NRG1: variants seen among roughly 807,000 people sequenced by gnomAD.
NRG1 encodes the protein pro-neuregulin-1, membrane-bound isoform.
In NRG1, 18 loss-of-function variants were observed where a neutral mutation model predicts 63.8. The ratio of observed to expected loss-of-function variants is 0.28; its 90% CI spans 0.19 to 0.42. NRG1 has a LOEUF of 0.42. Among genes scored for constraint, NRG1 ranks in the 10% least tolerant of loss-of-function variants. The pLI, the probability that NRG1 is intolerant of heterozygous loss-of-function variation, is 1.00. For synonymous variants in NRG1, 302 were observed against 301.3 expected (o/e 1.00, Z -0.02); for missense variants, 762 against 814.7 (o/e 0.94, Z 0.79).
chr8:32,437,324 G>T (rs1239822048), intron 1 of NRG1, among the ~76,000 whole-genome samples: 1 of 151,832 alleles, frequency 6.6e-6, no homozygotes, highest in African/African-American at 2.4e-5. Context: ...GTTTGTTTTT[G>T]TTTGTTTGTT....
chr8:32,122,470 T>C (rs1353584394), intron 1 of NRG1, among the ~76,000 whole-genome samples: 1 of 152,056 alleles, frequency 6.6e-6, no homozygotes, highest in African/African-American at 2.4e-5. Flanking sequence ...AAAATCCTAT[T>C]CGTAATGATT....
At position 32,616,279 on chromosome 8, in the gene NRG1, C is replaced by T. The variant is rs115636130; in HGVS notation, c.452-556C>T. Reference sequence around the variant, plus strand: ...ACTATTGTATGATTTATTTAATTAGCATGGTTTGTTTGATCCTAATGTAAT... The same window carrying T: ...ACTATTGTATGATTTATTTAATTAGTATGGTTTGTTTGATCCTAATGTAAT... On this transcript the variant is annotated intron_variant, in intron 4 of 11. Coordinates refer to ENST00000356819, the Ensembl canonical transcript of NRG1. Among the ~76,000 whole-genome samples, 1,054 of 151,788 alleles carry T rather than the reference C, an allele frequency of 6.9e-3. 12 individuals are homozygous for T. Among genetic ancestry groups the T allele is most frequent in the African/African-American group, 0.024 (984 of 41,388 alleles).
intron 1 of NRG1, among the ~76,000 whole-genome samples, chr8:31,922,761 C>A (rs2129619005): frequency 6.6e-6 from 1 of 152,238 alleles, no homozygotes; most frequent in African/African-American, 2.4e-5. Context: ...CATGCAGTAG[C>A]TCAACATCCA....
intron 1 of NRG1, among the ~76,000 whole-genome samples, chr8:32,423,747 A>G (rs1816987796): frequency 6.6e-6 from 1 of 152,164 alleles, no homozygotes; most frequent in Non-Finnish European, 1.5e-5. Context: ...ACACACAAAC[A>G]CACCATACAC....
chr8:31,678,154 C>T (rs1373758474), intron 1 of NRG1, among the ~76,000 whole-genome samples: 1 of 151,912 alleles, frequency 6.6e-6, no homozygotes, highest in African/African-American at 2.4e-5. Flanking sequence ...TTTCCTCTGA[C>T]TTACAAGCTC....
chr8:32,148,263 G>A (rs1837117232), intron 1 of NRG1, among the ~76,000 whole-genome samples: 1 of 152,146 alleles, frequency 6.6e-6, no homozygotes. Context: ...AGCTGAGGCA[G>A]GATTTGACCC....
chr8:32,463,535 A>T (rs1822603351), intron 1 of NRG1, among the ~76,000 whole-genome samples: 1 of 152,188 alleles, frequency 6.6e-6, no homozygotes, highest in African/African-American at 2.4e-5. Context: ...ATGAATGGGA[A>T]AAATTATATT....
intron 1 of NRG1, among the ~76,000 whole-genome samples, chr8:31,976,662 GGTGTGTGTGTGTGTGT>G (rs55763806): frequency 2.0e-5 from 3 of 150,586 alleles, no homozygotes; most frequent in East Asian, 2.0e-4. Context: ...ATCTGCCATG[GGTGTGTGTGTGTGTGT>G]GTGTGTGTGT....
intron 1 of NRG1, among the ~76,000 whole-genome samples, chr8:32,460,800 G>T (rs374175694): frequency 2.0e-5 from 3 of 152,106 alleles, no homozygotes; most frequent in South Asian, 2.1e-4. Flanking sequence ...CTATTTTACT[G>T]CTTTTTTTTT....
chr8:32,640,271 A>G (rs931110170), intron 5 of NRG1, among the ~76,000 whole-genome samples: 82 of 151,328 alleles, frequency 5.4e-4, no homozygotes, highest in Non-Finnish European at 7.8e-4. Flanking sequence ...ACACACACAC[A>G]CACGCACGCA....
chr8:32,260,973 C>T (rs1433147073), intron 1 of NRG1, among the ~76,000 whole-genome samples: 1 of 152,148 alleles, frequency 6.6e-6, no homozygotes, highest in Non-Finnish European at 1.5e-5. Flanking sequence ...GGAGGATACA[C>T]CTCATAACTT....
rs146860579 is a variant in NRG1, at chr8:31,808,382, A to T, written c.37+168951A>T. Among the ~76,000 whole-genome samples the T allele has an allele frequency of 3.1e-3, 477 of 152,192 alleles. 3 individuals carry two copies. The highest frequency in any genetic ancestry group is 0.011 in the African/African-American group (446 of 41,564). On this transcript the variant is annotated intron_variant, in intron 1 of 10. Transcript: ENST00000519301. ...TTACTCAACTTAGAATTTTAGAGTG[A>T]GTAACTTTTAAGATAAAACGAGTTT...
At chr8:31,692,858 GA>G (rs2131139617) in intron 1 of NRG1, among the ~76,000 whole-genome samples, 1 of 152,314 alleles carries the variant, frequency 6.6e-6, no homozygotes, top group South Asian at 2.1e-4. Flanking sequence ...GTTGGAACCT[GA>G]ATAGGAAATA....
At chr8:32,314,559 T>C (rs1857170331) in intron 1 of NRG1, among the ~76,000 whole-genome samples, 1 of 152,198 alleles carries the variant, frequency 6.6e-6, no homozygotes, top group Middle Eastern at 3.4e-3. Flanking sequence ...CTGCACAATT[T>C]CTCCTTGCAT....
chr8:31,914,269 A>G (rs1210317362), intron 1 of NRG1, among the ~76,000 whole-genome samples: 3 of 150,974 alleles, frequency 2.0e-5, no homozygotes, highest in Non-Finnish European at 4.4e-5. Context: ...AGCATCAGTA[A>G]ACATTGTTAG....
At chr8:32,578,211 G>A (rs1317772929) in intron 1 of NRG1, among the ~76,000 whole-genome samples, 1 of 152,124 alleles carries the variant, frequency 6.6e-6, no homozygotes, top group Non-Finnish European at 1.5e-5. Context: ...GGCCAGGCTG[G>A]TCTGGAATGC....
intron 1 of NRG1, among the ~76,000 whole-genome samples, chr8:31,922,890 GTAA>G (rs999174557): frequency 3.9e-4 from 60 of 152,254 alleles, no homozygotes; most frequent in African/African-American, 1.3e-3. Flanking sequence ...AAAAAAGGAA[GTAA>G]TAATAACAAA....
chr8:32,476,421 A>G (rs1478198818), intron 1 of NRG1, among the ~76,000 whole-genome samples: 2 of 152,212 alleles, frequency 1.3e-5, no homozygotes, highest in Non-Finnish European at 2.9e-5. Context: ...TGGATCACAT[A>G]CAATTACAGA....
At chr8:32,434,412 T>A (rs1205428182) in intron 1 of NRG1, among the ~76,000 whole-genome samples, 1 of 152,134 alleles carries the variant, frequency 6.6e-6, no homozygotes, top group Non-Finnish European at 1.5e-5. Context: ...TTTATAAATT[T>A]AAAACATTAG....
Sources: allele counts gnomAD v4.1 joint callset (sites outside exome capture counted in the v4.1 genomes callset), GRCh38; gene constraint gnomAD v4.1.1; transcripts MANE v1.5; gene names NCBI Gene and HGNC (gene_info 2026-07-23, HGNC 2026-07-21).